Variants in ULK1 observed in about 807,000 individuals in gnomAD.
The protein encoded by ULK1 is unc-51 like autophagy activating kinase 1, also known as serine/threonine-protein kinase ULK1.
A neutral mutation model predicts 117.5 loss-of-function variants in ULK1; 48 were observed. The observed-to-expected ratio is 0.41, with a 90% CI of 0.32 to 0.52. The LOEUF (loss-of-function observed/expected upper bound fraction) is 0.52, where lower values mean the gene tolerates loss of function less well. ULK1 is among the 20% of genes least tolerant of loss of function. The pLI, the probability that ULK1 is intolerant of heterozygous loss-of-function variation, is 0.29. For missense variants in ULK1, 1,387 were observed against 1,473.4 expected, an observed-to-expected ratio of 0.94 and a Z score of 0.96; for synonymous variants, 790 against 637.8, an observed-to-expected ratio of 1.24 and a Z score of -3.60.
chr12:131,901,552 C>G (rs1229336288), intron 3 of ULK1, among the ~76,000 whole-genome samples: 1 of 152,186 alleles, frequency 6.6e-6, no homozygotes, highest in East Asian at 1.9e-4. Flanking sequence ...TCTGCTTTCT[C>G]ATTCTTCACG....
rs752797661 is a variant in ULK1, at chr12:131,916,972, C to G, written c.2092C>G (p.Leu698Val). The G allele has an allele frequency of 6.2e-7, 1 of 1,610,934 alleles. No individual in the cohort carries two copies. Among genetic ancestry groups the G allele is most frequent in the South Asian group, 1.1e-5 (1 of 90,994 alleles). The change falls in exon 21 of 28, where the codon CTC (leucine) becomes GTC (valine). Residue 698 changes from leucine (L) to valine (V), a missense_variant. Physicochemically the swap from Leu to Val is conservative, Grantham distance 32. Transcript: ENST00000321867. ...PFGRSFSTSR[L>V]TDLLLKAAFG... Reference sequence around the variant, plus strand: ...CCACAGGTCTTTCAGCACCAGCCGCCTCACTGACCTGCTCCTTAAGGCGGC... The same window carrying G: ...CCACAGGTCTTTCAGCACCAGCCGCGTCACTGACCTGCTCCTTAAGGCGGC...
Position 131,895,612 on chromosome 12 carries a change from G to T in ULK1, c.123G>T (p.Leu41Phe). The T allele has an allele frequency of 6.2e-7, 1 of 1,613,886 alleles. No homozygotes were observed. The change falls in exon 2 of 28, where the codon TTG becomes TTT. Residue 41 changes from leucine to phenylalanine, a missense_variant. By Grantham distance (22) the Leu-to-Phe change is conservative. Coordinates refer to ENST00000321867, the MANE Select transcript of ULK1 (RefSeq NM_003565.4). The part of the protein sequence containing the change: ...FKGRHREKHD[L>F]EVAVKCINKK... ...CGTTTGGCTTTCAGAAGCACGATTT[G>T]GAGGTCGCCGTCAAGTGCATTAACA...
chr12:131,903,597 C>T lies in ULK1; in HGVS notation c.247-3295C>T, dbSNP rs1889166177. On this transcript the variant is annotated intron_variant, in intron 3 of 27. Transcript: ENST00000321867. The surrounding 1 kb of genome is among the most constrained non-coding windows in gnomAD (Gnocchi z 6.0). ...GCCCTGAGGGCCTGTCTGAAGCTGT[C>T]ATCTGTCCCAGGGGAGTTGGGAAGA... Among the ~76,000 whole-genome samples the T allele has an allele frequency of 6.6e-6, 1 of 152,148 alleles. No homozygotes were observed. Among genetic ancestry groups the T allele is most frequent in the Non-Finnish European group, 1.5e-5 (1 of 68,008 alleles).
Position 131,921,380 on chromosome 12 carries a change from G to GC in ULK1, c.*25dup, listed in dbSNP as rs750927017. On this transcript the variant is annotated 3_prime_UTR_variant, in exon 28 of 28. Coordinates refer to ENST00000321867, the MANE Select transcript of ULK1 (RefSeq NM_003565.4). ...TGCCTGACCTTTCTGGCCTGGCTGG[G>GC]CCCCCCGTCCTGCCGAGCCCTGCAG... 7.5e-6 allele frequency: 12 copies of GC among 1,601,270 alleles called. No homozygotes were observed. Among genetic ancestry groups the GC allele is most frequent in the Middle Eastern group, 1.7e-4 (1 of 5,986 alleles).
chr12:131,916,590 C>A lies in ULK1; in HGVS notation c.2071C>A (p.Arg691=), dbSNP rs372546654. ...PGEDPKGPFG[R]SFSTSRLTDL... ...CGAGGACCCCAAGGGCCCCTTTGGC[C>A]GGTGAGTTGAGGGGACAGGCCTTGG... The change falls in exon 20 of 28, where the codon CGG becomes AGG. Residue 691 remains arginine, a splice_region_variant and synonymous_variant. Coordinates refer to ENST00000321867, the MANE Select transcript of ULK1 (RefSeq NM_003565.4). 22 of 1,575,148 alleles carry A rather than the reference C, an allele frequency of 1.4e-5. No individual in the cohort carries two copies. In the African/African-American group the frequency reaches 2.6e-4, roughly 19 times the overall value.
Position 131,917,452 on chromosome 12 carries a change from C to T in ULK1, c.2224C>T (p.Arg742Cys), listed in dbSNP as rs569526446. Residue 742 changes from arginine to cysteine, a missense_variant, in exon 22 of 28, where the codon CGT becomes TGT. Arg to Cys is a radical substitution (Grantham distance 180). This residue lies in a region of ULK1 where 900 missense variants were observed against 858.9 expected (regional missense o/e 1.05). Transcript: ENST00000321867. Reference protein sequence around the residue: ...GFGGSLHPGARAGGTSSPSPV... With the variant: ...GFGGSLHPGACAGGTSSPSPV... ...TGGAGGGAGCCTGCACCCAGGAGCC[C>T]GTGCTGGGGGCACCAGCAGCCCTTC... 344 of 1,531,392 alleles carry T rather than the reference C, an allele frequency of 2.2e-4. 1 individual carries two copies. The South Asian group carries it at 3.7e-3, about 16-fold the overall frequency. The allele number at this position is 1,531,392 out of a possible 1,614,324, so 94.9% of individuals were successfully genotyped here. A position where few individuals can be genotyped will look rare whatever the true frequency, so the allele number is the denominator to read the frequency against.
At position 131,922,455 on chromosome 12, in the gene ULK1, G is replaced by C; in HGVS notation, c.*1094G>C. On this transcript the variant is annotated 3_prime_UTR_variant, in exon 28 of 28. Coordinates refer to ENST00000321867, the MANE Select transcript of ULK1 (RefSeq NM_003565.4). ...AAAAGCTCCCCGTCCAGCTTTGACAGTCAGTTTTGATGTCAGCTCCTCGGC... is the reference window on the plus strand; with the variant it reads ...AAAAGCTCCCCGTCCAGCTTTGACACTCAGTTTTGATGTCAGCTCCTCGGC... 2 of 182,918 alleles carry C rather than the reference G, an allele frequency of 1.1e-5. No individual in the cohort carries two copies. Among genetic ancestry groups the C allele is most frequent in the Admixed American group, 5.8e-5 (1 of 17,302 alleles). 11.3% of individuals were successfully genotyped at this position (182,918 alleles called of 1,614,324 possible). A position where few individuals can be genotyped will look rare whatever the true frequency, so the allele number is the denominator to read the frequency against.
At position 131,900,756 on chromosome 12, in the gene ULK1, T is replaced by C. The variant is rs146775673; in HGVS notation, c.246+4932T>C. ...GCCGCTGCCTGTGAGTTACTTGCAG[T>C]GGAGACCTGAGTCAAGAGGTGTCCA... On this transcript the variant is annotated intron_variant, in intron 3 of 27. Coordinates refer to ENST00000321867, the MANE Select transcript of ULK1 (RefSeq NM_003565.4). Among the ~76,000 whole-genome samples the C allele has an allele frequency of 4.8e-3, 726 of 152,336 alleles. 7 individuals carry two copies. The highest frequency in any genetic ancestry group is 8.6e-3 in the Non-Finnish European group (583 of 68,016).
At chr12:131,918,232 G>T in intron 22 of ULK1, 1 of 549,516 alleles carries the variant, frequency 1.8e-6, no homozygotes, top group Non-Finnish European at 3.2e-6. Context: ...TGGGGGTCGG[G>T]ATACCCAGAG....
Position 131,921,245 on chromosome 12 carries a change from C to T in ULK1, c.3097+10C>T, listed in dbSNP as rs776163375. On this transcript the variant is annotated intron_variant, in intron 27 of 27. Transcript: ENST00000321867. ...GAGAACGTCACCAAGTGTGAGTGCCCGGCTGGGCTGGGGGCTGGGGACTCT... is the reference window on the plus strand; with the variant it reads ...GAGAACGTCACCAAGTGTGAGTGCCTGGCTGGGCTGGGGGCTGGGGACTCT... 55 of 1,607,768 alleles carry T rather than the reference C, an allele frequency of 3.4e-5. No individual in the cohort carries two copies. The highest frequency in any genetic ancestry group is 5.0e-5 in the Admixed American group (3 of 59,998).
chr12:131,910,913 C>A (rs1009758666), intron 12 of ULK1, 113 bp downstream of exon 12: 1 of 1,503,730 alleles, frequency 6.7e-7, no homozygotes, highest in African/African-American at 1.4e-5. Context: ...GTGTGAGTCA[C>A]GAAAGACATG....
intron 4 of ULK1, 125 bp from the exon 5 acceptor site, chr12:131,907,370 G>C: frequency 8.0e-7 from 1 of 1,247,876 alleles, no homozygotes; most frequent in Non-Finnish European, 1.1e-6. Flanking sequence ...CACCTGCCCT[G>C]GGCTGGGCAG....
intron 7 of ULK1, 28 bp downstream of exon 7, chr12:131,908,999 G>T (rs774525992): frequency 8.7e-6 from 14 of 1,612,584 alleles, no homozygotes; most frequent in South Asian, 2.2e-5. Context: ...GGGCTGTGCC[G>T]GGTGGGCGCC....
Position 131,894,645 on chromosome 12 carries a change from G to A in ULK1, c.-357G>A, listed in dbSNP as rs1323806932. 2.0e-5 allele frequency: 3 copies of A among 150,818 alleles called. No homozygotes were observed. Among genetic ancestry groups the A allele is most frequent in the African/African-American group, 7.3e-5 (3 of 41,008 alleles). 9.3% of individuals were successfully genotyped at this position (150,818 alleles called of 1,614,324 possible). A position where few individuals can be genotyped will look rare whatever the true frequency, so the allele number is the denominator to read the frequency against. Reference sequence around the variant, plus strand: ...GCAGTGCGGCTGCGCGGGCGTCTCAGGCTCTGAGGCCCGGGCGCCGCGGCT... The same window carrying A: ...GCAGTGCGGCTGCGCGGGCGTCTCAAGCTCTGAGGCCCGGGCGCCGCGGCT... On this transcript the variant is annotated 5_prime_UTR_variant, in exon 1 of 28. Transcript: ENST00000321867.
In ULK1 at chr12:131,919,353, G is replaced by A. The variant is rs753519707; in HGVS notation, c.2653G>A (p.Asp885Asn). ...EYQLQESVVA[D>N]QISLLSREWG... is the part of the protein sequence containing the mutation. ...CCAGCTGCAGGAGAGTGTGGTGGCC[G>A]ACCAGATCAGCCTGCTGAGCCGAGA... Residue 885 changes from aspartate to asparagine, a missense_variant, in exon 24 of 28, where the codon GAC becomes AAC. Around this residue, in one of 4 missense-constraint regions of ULK1, gnomAD observed 900 missense variants for 858.9 expected, o/e 1.05. Transcript: ENST00000321867. 47 of 1,326,182 alleles carry A rather than the reference G, an allele frequency of 3.5e-5. No homozygotes were observed. Among genetic ancestry groups the A allele is most frequent in the East Asian group, 9.3e-5 (2 of 21,504 alleles). 82.2% of individuals were successfully genotyped at this position (1,326,182 alleles called of 1,614,324 possible). A position where few individuals can be genotyped will look rare whatever the true frequency, so the allele number is the denominator to read the frequency against.
chr12:131,895,553 G>T (rs1393933556), intron 1 of ULK1, 48 bp from the exon 2 acceptor site: 1 of 1,537,464 alleles, frequency 6.5e-7, no homozygotes, highest in Admixed American at 1.7e-5. Flanking sequence ...TCTGGGGGAG[G>T]CCTGCGAGGG....
At chr12:131,897,040 C>T (rs1473850028) in intron 3 of ULK1, 1 of 152,558 alleles carries the variant, frequency 6.6e-6, no homozygotes. Flanking sequence ...AGGCCCAGCT[C>T]CATCCCAGTC....
intron 3 of ULK1, among the ~76,000 whole-genome samples, chr12:131,906,303 C>T (rs973555725): frequency 6.6e-6 from 1 of 152,152 alleles, no homozygotes; most frequent in African/African-American, 2.4e-5. Flanking sequence ...GTTGGTCAGG[C>T]TGGTCTCGAA....
In ULK1 at chr12:131,908,685, C is replaced by T; in HGVS notation, c.358C>T (p.Gln120Ter). The change falls in exon 6 of 28, where the codon CAG becomes TAG. Residue 120 changes from glutamine to a stop codon, truncating the protein, a stop_gained. Transcript: ENST00000321867. LOFTEE classifies it high-confidence loss of function. The part of the protein sequence containing the change: ...LSEDTIRLFL[Q>*]QIAGAMRLLH... The stretch of plus-strand genomic sequence containing the variant: ...CGAGGACACCATCAGGCTCTTCCTG[C>T]AGCAGATCGCGGGCGCCATGCGGCT... 6.3e-7 allele frequency: 1 copy of T among 1,588,538 alleles called. No homozygotes were observed. The highest frequency in any genetic ancestry group is 1.3e-5 in the African/African-American group (1 of 74,256).
Sources: allele counts gnomAD v4.1 joint callset (sites outside exome capture counted in the v4.1 genomes callset), GRCh38; gene constraint gnomAD v4.1.1; regional missense constraint gnomAD v4.1.1; non-coding constraint Gnocchi (gnomAD v3.1); transcripts MANE v1.5; gene names NCBI Gene and HGNC (gene_info 2026-07-23, HGNC 2026-07-21).